The following KCNMA1 variants were observed in gnomAD, a reference collection of about 807,000 sequenced individuals.
KCNMA1 encodes Calcium-activated potassium channel subunit alpha-1.
KCNMA1 carries 29 observed loss-of-function variants against 140.0 expected under a neutral mutation model. The ratio of observed to expected loss-of-function variants is 0.21; its 90% CI spans 0.15 to 0.28. The LOEUF is 0.28. Among genes scored for constraint, KCNMA1 ranks in the 10% least tolerant of loss-of-function variants. The probability of loss-of-function intolerance (pLI) is 1.00; values close to 1 mark genes in which losing one functional copy is unlikely to be tolerated. For missense variants in KCNMA1, 880 were observed against 1,602.2 expected (o/e 0.55, Z 7.70); for synonymous variants, 612 against 611.9 (o/e 1.00, Z 0.00).
chr10:77,295,818 CAG>C (rs2074932078), intron 2 of KCNMA1, among the ~76,000 whole-genome samples: 2 of 58,080 alleles, frequency 3.4e-5, no homozygotes, highest in African/African-American at 1.2e-4. Context: ...AAAAAAAAAA[CAG>C]TTTTCAGCTC....
chr10:77,511,673 T>C (rs923476110), intron 1 of KCNMA1, among the ~76,000 whole-genome samples: 1 of 152,210 alleles, frequency 6.6e-6, no homozygotes, highest in Non-Finnish European at 1.5e-5. Context: ...GGTTATTCTT[T>C]TTAATGACTG....
chr10:76,930,027 T>A (rs1210164333), intron 23 of KCNMA1: 1 of 152,110 alleles, frequency 6.6e-6, no homozygotes, highest in African/African-American at 2.4e-5. Context: ...GTAAAACTCC[T>A]AGGAGAAAAA....
chr10:77,217,458 A>G, intron 3 of KCNMA1: 1 of 456,592 alleles, frequency 2.2e-6, no homozygotes, highest in South Asian at 1.5e-5. Flanking sequence ...ACTGGTATGT[A>G]TTAAAGGAAT....
chr10:76,982,678 A>G (rs2079914383), intron 19 of KCNMA1, among the ~76,000 whole-genome samples: 1 of 152,134 alleles, frequency 6.6e-6, no homozygotes, highest in Non-Finnish European at 1.5e-5. Context: ...CACAATATTT[A>G]GTAATAATCT....
intron 2 of KCNMA1, among the ~76,000 whole-genome samples, chr10:77,346,148 A>G (rs2092090821): frequency 6.6e-6 from 1 of 152,226 alleles, no homozygotes; most frequent in Non-Finnish European, 1.5e-5. Flanking sequence ...TGCAGTAACC[A>G]TCATTCCTGA....
intron 1 of KCNMA1, chr10:77,636,414 GAGCGCCAGGGAAGA>G (rs2093734936): frequency 6.5e-7 from 1 of 1,535,998 alleles, no homozygotes; most frequent in African/African-American, 1.4e-5. Flanking sequence ...TAGCCACCTC[GAGCGCCAGGGAAGA>G]CGCTCCGCGT....
chr10:77,238,051 C>G lies in KCNMA1; in HGVS notation c.602+13144G>C, dbSNP rs569963116. ...GCACCAATTAAACTGTCACAGTCGGCTGGCTTGGAGGCAGGTGAGGTCAGG... is the reference window on the plus strand; with the variant it reads ...GCACCAATTAAACTGTCACAGTCGGGTGGCTTGGAGGCAGGTGAGGTCAGG... On this transcript the variant is annotated intron_variant, in intron 3 of 27. Transcript: ENST00000286628. 3.9e-5 allele frequency among the ~76,000 whole-genome samples: 6 copies of G among 152,316 alleles called. No homozygotes were observed. In the South Asian group the frequency reaches 1.2e-3, roughly 32 times the overall value.
intron 2 of KCNMA1, among the ~76,000 whole-genome samples, chr10:77,320,007 C>T (rs903784075): frequency 1.1e-4 from 17 of 152,230 alleles, no homozygotes; most frequent in Non-Finnish European, 1.3e-4. Flanking sequence ...TTTGCTCTGA[C>T]CTACAGTCAG....
intron 1 of KCNMA1, among the ~76,000 whole-genome samples, chr10:77,502,449 T>G (rs1042001498): frequency 6.6e-6 from 1 of 152,066 alleles, no homozygotes; most frequent in African/African-American, 2.4e-5. Flanking sequence ...CAGAGCCCTC[T>G]CCTCCAGGAA....
At chr10:77,414,249 C>T (rs1453455004) in intron 1 of KCNMA1, among the ~76,000 whole-genome samples, 1 of 152,172 alleles carries the variant, frequency 6.6e-6, no homozygotes, top group Non-Finnish European at 1.5e-5. Flanking sequence ...CTCTGTAACC[C>T]TGGGCAAGTC....
chr10:77,628,143 G>T (rs1321373663), intron 1 of KCNMA1, among the ~76,000 whole-genome samples: 1 of 152,026 alleles, frequency 6.6e-6, no homozygotes, highest in East Asian at 1.9e-4. Flanking sequence ...CTCCCAACTT[G>T]AAATGCACAT....
intron 1 of KCNMA1, among the ~76,000 whole-genome samples, chr10:77,543,754 C>G (rs2060740312): frequency 6.6e-6 from 1 of 152,078 alleles, no homozygotes; most frequent in Non-Finnish European, 1.5e-5. Context: ...CTAAACAACT[C>G]AGGGACTTGT....
In KCNMA1 at chr10:77,121,026, C is replaced by T; in HGVS notation, c.831G>A (p.Leu277=). The T allele has an allele frequency of 6.3e-7, 1 of 1,599,746 alleles. No individual in the cohort carries two copies. The highest frequency in any genetic ancestry group is 8.6e-7 in the Non-Finnish European group (1 of 1,168,604). Residue 277 remains leucine (L), a synonymous_variant, in exon 6 of 28, where the codon CTG becomes CTA. Transcript: ENST00000286628. ...AAATTTCTGAAAACTGTATCAGTCT[C>T]AGAGCTCTTAAAAATCTCAAACCTG... ...SWLGLRFLRA[L]RLIQFSEILQ...
intron 11 of KCNMA1, among the ~76,000 whole-genome samples, chr10:77,085,662 C>T (rs1162351601): frequency 2.6e-5 from 4 of 152,258 alleles, no homozygotes; most frequent in Non-Finnish European, 5.9e-5. Flanking sequence ...CAAATCATCT[C>T]TGATTTCTTT....
chr10:77,153,770 G>T (rs2098451823), intron 5 of KCNMA1, among the ~76,000 whole-genome samples: 1 of 152,144 alleles, frequency 6.6e-6, no homozygotes, highest in Admixed American at 6.5e-5. Context: ...TATGGGAGCT[G>T]CATGAGCAAC....
chr10:77,271,289 G>A (rs2065056668), intron 2 of KCNMA1, among the ~76,000 whole-genome samples: 1 of 152,228 alleles, frequency 6.6e-6, no homozygotes, highest in South Asian at 2.1e-4. Context: ...GGCAGACTGA[G>A]AATGTTTCCA....
At position 77,090,514 on chromosome 10, in the gene KCNMA1, A is replaced by T. The variant is rs200167721; in HGVS notation, c.1224-4T>A. ...GTGTCCGCAGACCACAATGTGCCTG[A>T]ACAGGAGAGGCCAGTTAGATCAGGC... On this transcript the variant is annotated splice_polypyrimidine_tract_variant and splice_region_variant and intron_variant, in intron 9 of 27. Coordinates refer to ENST00000286628, the MANE Select transcript of KCNMA1 (RefSeq NM_001161352.2). 26 of 1,601,800 alleles carry T rather than the reference A, an allele frequency of 1.6e-5. No individual in the cohort carries two copies. Among genetic ancestry groups the T allele is most frequent in the South Asian group, 2.2e-5 (2 of 90,856 alleles).
intron 1 of KCNMA1, among the ~76,000 whole-genome samples, chr10:77,417,323 T>C (rs1031731903): frequency 2.8e-5 from 4 of 141,500 alleles, no homozygotes; most frequent in African/African-American, 1.0e-4. Flanking sequence ...ATATACCTTT[T>C]ATGCCCAAAG....
At chr10:77,176,710 A>G (rs1312721629) in intron 5 of KCNMA1, among the ~76,000 whole-genome samples, 1 of 152,226 alleles carries the variant, frequency 6.6e-6, no homozygotes, top group Non-Finnish European at 1.5e-5. Flanking sequence ...TCAACCCCTC[A>G]GAGCCTCAGA....
Sources: gnomAD v4.1 joint callset for allele counts (sites outside exome capture counted in the v4.1 genomes callset) on GRCh38, gnomAD v4.1.1 for gene constraint, MANE v1.5 for transcripts, NCBI Gene and HGNC (gene_info 2026-07-23, HGNC 2026-07-21) for gene names.